Variants in TIAM1 observed in about 807,000 individuals in gnomAD.
TIAM1 encodes TIAM Rac1 associated GEF 1.
In TIAM1, 65 loss-of-function variants were observed where a neutral mutation model predicts 163.5. That is an observed-to-expected ratio of 0.40 (90% CI 0.33 to 0.49). The LOEUF is 0.49. TIAM1 is among the 20% of genes least tolerant of loss of function. The probability of loss-of-function intolerance (pLI) is 0.77; values close to 1 mark genes in which losing one functional copy is unlikely to be tolerated. For synonymous variants in TIAM1, 833 were observed against 810.1 expected, an observed-to-expected ratio of 1.03 and a Z score of -0.48; for missense variants, 1,789 against 2,044.7, an observed-to-expected ratio of 0.87 and a Z score of 2.41.
intron 2 of TIAM1, among the ~76,000 whole-genome samples, chr21:31,297,507 G>A (rs2074326790): frequency 6.6e-6 from 1 of 152,136 alleles, no homozygotes; most frequent in Non-Finnish European, 1.5e-5. Context: ...AGATTCTCCC[G>A]CCTCAGCCTC....
At chr21:31,334,493 C>CTGTTTGATCAGCAAAAA (rs1300490718) in intron 2 of TIAM1, among the ~76,000 whole-genome samples, 1 of 152,180 alleles carries the variant, frequency 6.6e-6, no homozygotes, top group East Asian at 1.9e-4. Flanking sequence ...CATATTGATG[C>CTGTTTGATCAGCAAAAA]TGTTTGATCA....
intron 6 of TIAM1, among the ~76,000 whole-genome samples, chr21:31,241,469 A>C (rs1225654010): frequency 2.6e-5 from 4 of 152,284 alleles, no homozygotes; most frequent in East Asian, 3.9e-4. Context: ...CTCTCTAATA[A>C]TTAGCTGACT....
chr21:31,232,747 C>T (rs1337124619), intron 6 of TIAM1, among the ~76,000 whole-genome samples: 1 of 152,138 alleles, frequency 6.6e-6, no homozygotes, highest in Non-Finnish European at 1.5e-5. Context: ...TGGGTCCCTT[C>T]GTCAGAATTC....
intron 2 of TIAM1, among the ~76,000 whole-genome samples, chr21:31,319,622 C>CA (rs975888724): frequency 6.6e-5 from 10 of 151,266 alleles, no homozygotes; most frequent in Middle Eastern, 6.9e-3. Context: ...ACTAAAAATA[C>CA]AAAAAAAAGT....
At chr21:31,407,528 A>C (rs537079343) in intron 2 of TIAM1, among the ~76,000 whole-genome samples, 130 of 152,306 alleles carry the variant, frequency 8.5e-4, no homozygotes, top group Non-Finnish European at 1.6e-3. Context: ...ACCCTGGTTA[A>C]AACCAAAAGA....
chr21:31,402,771 A>G (rs2077187068), intron 2 of TIAM1, among the ~76,000 whole-genome samples: 1 of 151,976 alleles, frequency 6.6e-6, no homozygotes, highest in Non-Finnish European at 1.5e-5. Context: ...ACCATGGTGA[A>G]ACCCCGTCTC....
intron 4 of TIAM1, among the ~76,000 whole-genome samples, chr21:31,257,834 C>A (rs565408645): frequency 6.6e-6 from 1 of 152,134 alleles, no homozygotes; most frequent in Non-Finnish European, 1.5e-5. Context: ...TTTACTACAA[C>A]CAGAAGGCTT....
intron 2 of TIAM1, among the ~76,000 whole-genome samples, chr21:31,381,908 C>T (rs1160705075): frequency 6.6e-6 from 1 of 152,164 alleles, no homozygotes; most frequent in African/African-American, 2.4e-5. Flanking sequence ...TAGAGAGAGG[C>T]TGTCTTCAAA....
chr21:31,466,632 G>A (rs2045542628), intron 1 of TIAM1, among the ~76,000 whole-genome samples: 1 of 152,164 alleles, frequency 6.6e-6, no homozygotes, highest in Admixed American at 6.5e-5. Flanking sequence ...AGGCAACAGG[G>A]AAGTACTAGC....
intron 2 of TIAM1, among the ~76,000 whole-genome samples, chr21:31,393,408 A>G (rs535543043): frequency 2.0e-5 from 3 of 152,312 alleles, no homozygotes; most frequent in South Asian, 4.1e-4. Flanking sequence ...AGGCATTACT[A>G]TTCCATGAGC....
chr21:31,471,897 T>TAATAATAA (rs2045755640), intron 1 of TIAM1, among the ~76,000 whole-genome samples: 3 of 17,418 alleles, frequency 1.7e-4, no homozygotes, highest in Middle Eastern at 0.019. Flanking sequence ...ATAATAATAA[T>TAATAATAA]AATAAAGGGA....
chr21:31,485,821 A>G (rs9975555), intron 1 of TIAM1, among the ~76,000 whole-genome samples: 127,221 of 152,160 alleles, frequency 0.84, 53,706 homozygotes, highest in African/African-American at 0.93. Context: ...CTTCGCACCT[A>G]CCTGAGGGGT....
chr21:31,199,351 G>T (rs1034406541), intron 12 of TIAM1, among the ~76,000 whole-genome samples: 1 of 151,968 alleles, frequency 6.6e-6, no homozygotes, highest in Admixed American at 6.6e-5. Context: ...TCTCTCTGGG[G>T]TTTCCTATGG....
chr21:31,303,975 C>A (rs2074600202), intron 2 of TIAM1, among the ~76,000 whole-genome samples: 1 of 151,750 alleles, frequency 6.6e-6, no homozygotes, highest in Non-Finnish European at 1.5e-5. Flanking sequence ...GAGACGCCAT[C>A]TCAAAAAAAA....
chr21:31,288,787 AC>A lies in TIAM1; in HGVS notation c.-188-11880del, dbSNP rs370152638. ...AGAAGTTTCAAACATTATCTCAACCACACTTTGTATGGACTAAATCAATACC... is the reference window on the plus strand; with the variant it reads ...AGAAGTTTCAAACATTATCTCAACCAACTTTGTATGGACTAAATCAATACC... On this transcript the variant is annotated intron_variant, in intron 2 of 27. Coordinates refer to ENST00000541036, the MANE Select transcript of TIAM1 (RefSeq NM_001353694.2). Among the ~76,000 whole-genome samples, 755 of 152,320 alleles carry A rather than the reference AC, an allele frequency of 5.0e-3. 3 individuals are homozygous for A. Among genetic ancestry groups the A allele is most frequent in the African/African-American group, 0.017 (691 of 41,572 alleles).
rs114005755 is a variant in TIAM1 at position 31,256,831 on chromosome 21, A to G, written c.964-4642T>C. ...AGACACTGTGAGATTGAGTTAACCC[A>G]GGAAAAGTGTCTTAAACTGAGCCCA... On this transcript the variant is annotated intron_variant, in intron 4 of 27. Transcript: ENST00000541036. Among the ~76,000 whole-genome samples, 1,418 of 152,330 alleles carry G rather than the reference A, an allele frequency of 9.3e-3. 28 individuals carry two copies. The highest frequency in any genetic ancestry group is 0.032 in the African/African-American group (1,332 of 41,582).
At chr21:31,219,099 C>A (rs180839237) in intron 8 of TIAM1, among the ~76,000 whole-genome samples, 11 of 133,740 alleles carry the variant, frequency 8.2e-5, no homozygotes, top group African/African-American at 2.5e-4. Flanking sequence ...TGGAGCGATT[C>A]CAGAGAAGCA....
chr21:31,515,202 G>A (rs1024151853), intron 1 of TIAM1, among the ~76,000 whole-genome samples: 2 of 151,912 alleles, frequency 1.3e-5, no homozygotes, highest in African/African-American at 2.4e-5. Context: ...CCCTCCCCAC[G>A]CAGCCCTCAT....
chr21:31,422,489 C>A (rs546916509), intron 2 of TIAM1, among the ~76,000 whole-genome samples: 2 of 152,264 alleles, frequency 1.3e-5, no homozygotes, highest in South Asian at 4.1e-4. Context: ...GTATTTTTAA[C>A]AAGGAACCCT....
Sources: gnomAD v4.1 joint callset for allele counts (sites outside exome capture counted in the v4.1 genomes callset) on GRCh38, gnomAD v4.1.1 for gene constraint, MANE v1.5 for transcripts, NCBI Gene and HGNC (gene_info 2026-07-23, HGNC 2026-07-21) for gene names.